COL21A1: variants seen among roughly 807,000 people sequenced by gnomAD.
The protein encoded by COL21A1 is collagen alpha-1(XXI) chain.
COL21A1 carries 149 observed loss-of-function variants against 137.9 expected under a neutral mutation model. The ratio of observed to expected loss-of-function variants is 1.08; its 90% CI spans 0.95 to 1.24. The LOEUF is 1.24. COL21A1 is among the 50% of genes most tolerant of loss of function. COL21A1 has a pLI of 0.00. For missense variants in COL21A1, 1,167 were observed against 1,158.4 expected (o/e 1.01, Z -0.11); for synonymous variants, 456 against 391.5 (o/e 1.16, Z -1.95).
chr6:56,285,750 A>C (rs9475653), intron 1 of COL21A1, among the ~76,000 whole-genome samples: 1 of 150,218 alleles, frequency 6.7e-6, no homozygotes, highest in Non-Finnish European at 1.5e-5. Context: ...CTTCCCACTC[A>C]TTAAAACCTT....
chr6:56,145,906 T>C (rs537120049), intron 10 of COL21A1, among the ~76,000 whole-genome samples: 9 of 152,032 alleles, frequency 5.9e-5, no homozygotes, highest in Non-Finnish European at 1.0e-4. Context: ...ATTGTAGGGT[T>C]GAAGAAAAGA....
At chr6:56,389,057 GACT>G (rs2094024079) in intron 1 of COL21A1, among the ~76,000 whole-genome samples, 1 of 152,096 alleles carries the variant, frequency 6.6e-6, no homozygotes, top group South Asian at 2.1e-4. Flanking sequence ...CCTGAAGACA[GACT>G]ACATAAAAAT....
At chr6:56,074,345 A>G (rs938407484) in intron 19 of COL21A1, 60 bp from the exon 20 acceptor site, 1 of 1,132,774 alleles carries the variant, frequency 8.8e-7, no homozygotes, top group South Asian at 1.5e-5. Flanking sequence ...AAAATATTAA[A>G]TCAATTTCCA....
chr6:56,151,723 C>A (rs934689352), intron 10 of COL21A1, among the ~76,000 whole-genome samples: 6 of 152,162 alleles, frequency 3.9e-5, no homozygotes, highest in African/African-American at 1.4e-4. Flanking sequence ...AAGCAGAATT[C>A]CCTTCAAATT....
intron 1 of COL21A1, among the ~76,000 whole-genome samples, chr6:56,256,014 G>T (rs1033170729): frequency 5.9e-5 from 9 of 152,142 alleles, no homozygotes; most frequent in Non-Finnish European, 7.4e-5. Flanking sequence ...GATATAAGAG[G>T]ATGCTTCTAG....
intron 16 of COL21A1, among the ~76,000 whole-genome samples, chr6:56,119,579 C>A (rs1353252879): frequency 6.6e-6 from 1 of 152,010 alleles, no homozygotes; most frequent in African/African-American, 2.4e-5. Context: ...TATGGAATCA[C>A]CAAAGACCCA....
chr6:56,170,969 T>C lies in COL21A1; in HGVS notation c.800A>G (p.Glu267Gly). ...YEVTSKVDLS[E>G]LTSNVFPEGL... ...AACATATAATGCATACCTTGTGAGTTCTGATAAATCAACTTTTGATGTTAC... is the reference window on the plus strand; with the variant it reads ...AACATATAATGCATACCTTGTGAGTCCTGATAAATCAACTTTTGATGTTAC... The change falls in exon 4 of 30, where the codon GAA (glutamate) becomes GGA (glycine). Residue 267 changes from glutamate (E) to glycine (G), a missense_variant. Glu to Gly is a moderately conservative substitution (Grantham distance 98). Coordinates refer to ENST00000244728, the MANE Select transcript of COL21A1 (RefSeq NM_030820.4). 6.2e-7 allele frequency: 1 copy of C among 1,602,568 alleles called. No homozygotes were observed. Among genetic ancestry groups the C allele is most frequent in the Non-Finnish European group, 8.5e-7 (1 of 1,175,302 alleles).
At position 56,064,595 on chromosome 6, in the gene COL21A1, CCT is replaced by C. The variant is rs754499850; in HGVS notation, c.2153_2154del (p.Gln718ArgfsTer20). On this transcript the variant is annotated frameshift_variant, in exon 24 of 30. Coordinates refer to ENST00000244728, the MANE Select transcript of COL21A1 (RefSeq NM_030820.4). LOFTEE classifies it high-confidence loss of function. ...IQGQKGENGR[Q>X]GIPGQQGIQG... ...AAAAATACCTGTTGCCCTGGAATTCCCTGTCTTCCATTTTCTCCCTTTTGACC... is the reference window on the plus strand; with the variant it reads ...AAAAATACCTGTTGCCCTGGAATTCCGTCTTCCATTTTCTCCCTTTTGACC... The C allele has an allele frequency of 1.5e-4, 233 of 1,595,642 alleles. No individual in the cohort carries two copies. The African/African-American group carries it at 2.7e-3, about 19-fold the overall frequency.
At chr6:56,294,900 T>C (rs112343670) in intron 1 of COL21A1, among the ~76,000 whole-genome samples, 12,532 of 152,078 alleles carry the variant, frequency 0.082, 553 homozygotes, top group Middle Eastern at 0.14. Flanking sequence ...TGTTTCTTCC[T>C]TCTCTTAAAA....
chr6:56,387,096 C>T (rs1345052195), intron 1 of COL21A1, among the ~76,000 whole-genome samples: 8 of 152,118 alleles, frequency 5.3e-5, no homozygotes, highest in African/African-American at 1.2e-4. Flanking sequence ...ATGTTGCATG[C>T]GTTAAATGCT....
At chr6:56,102,846 G>C (rs1193250984) in intron 16 of COL21A1, among the ~76,000 whole-genome samples, 3 of 152,128 alleles carry the variant, frequency 2.0e-5, no homozygotes, top group Non-Finnish European at 4.4e-5. Context: ...GTTGAGAATA[G>C]AAGGAGCAAA....
chr6:56,133,035 G>T (rs1435309494), intron 12 of COL21A1, among the ~76,000 whole-genome samples: 1 of 152,122 alleles, frequency 6.6e-6, no homozygotes, highest in Non-Finnish European at 1.5e-5. Context: ...TCCATTAATT[G>T]GTACCAGTAG....
intron 1 of COL21A1, 114 bp from the exon 2 acceptor site, chr6:56,182,770 T>C (rs10484707): frequency 0.078 from 45,586 of 587,382 alleles, 2,223 homozygotes; most frequent in African/African-American, 0.17. Context: ...TTGTGACTAT[T>C]AGAATTAACT....
chr6:56,064,268 C>G (rs548777921), intron 24 of COL21A1, among the ~76,000 whole-genome samples: 4 of 152,168 alleles, frequency 2.6e-5, no homozygotes, highest in African/African-American at 9.6e-5. Context: ...GTGTGACTGG[C>G]TGTCTCTGGC....
In COL21A1 at chr6:56,152,985, C is replaced by T. The variant is rs115820324; in HGVS notation, c.1434+3902G>A. 1.3e-3 allele frequency among the ~76,000 whole-genome samples: 197 copies of T among 151,944 alleles called. 1 individual carries two copies. Among genetic ancestry groups the T allele is most frequent in the African/African-American group, 3.8e-3 (156 of 41,426 alleles). On this transcript the variant is annotated intron_variant, in intron 10 of 29. Coordinates refer to ENST00000244728, the MANE Select transcript of COL21A1 (RefSeq NM_030820.4). ...CTCAGCTCACCCAGTGTAATTAGGGCGAAACTCACATAGGACCTCAGGGAA... is the reference window on the plus strand; with the variant it reads ...CTCAGCTCACCCAGTGTAATTAGGGTGAAACTCACATAGGACCTCAGGGAA...
At chr6:56,276,496 A>G (rs1340831400) in intron 1 of COL21A1, 1 of 927,736 alleles carries the variant, frequency 1.1e-6, no homozygotes, top group Non-Finnish European at 1.6e-6. Flanking sequence ...AGGGGGAACA[A>G]CTTAAAATAA....
intron 1 of COL21A1, among the ~76,000 whole-genome samples, chr6:56,242,687 C>G (rs2152325791): frequency 6.6e-6 from 1 of 152,096 alleles, no homozygotes; most frequent in Admixed American, 6.6e-5. Context: ...GTCCAAGAAA[C>G]AACAAGGAGA....
At chr6:56,368,671 T>G (rs1239455465) in intron 1 of COL21A1, among the ~76,000 whole-genome samples, 1 of 152,198 alleles carries the variant, frequency 6.6e-6, no homozygotes, top group Non-Finnish European at 1.5e-5. Context: ...TATCTGCCAT[T>G]GGCTGCCAGG....
intron 14 of COL21A1, 113 bp from the exon 15 acceptor site, chr6:56,124,405 A>G (rs1284372769): frequency 1.9e-5 from 18 of 957,632 alleles, no homozygotes; most frequent in East Asian, 1.6e-4. Flanking sequence ...GTAAAAACTC[A>G]TGGAACTACA....
Sources: allele counts gnomAD v4.1 joint callset (sites outside exome capture counted in the v4.1 genomes callset), GRCh38; gene constraint gnomAD v4.1.1; transcripts MANE v1.5; gene names NCBI Gene and HGNC (gene_info 2026-07-23, HGNC 2026-07-21).